DES: variants seen among roughly 807,000 people sequenced by gnomAD.
DES encodes cardiomyopathy, dilated 1F (autosomal dominant).
A neutral mutation model predicts 55.1 loss-of-function variants in DES; 34 were observed. That is an observed-to-expected ratio of 0.62 (90% CI 0.47 to 0.82). The LOEUF is 0.82. Ranked by LOEUF, DES falls within the 40% of genes least tolerant of loss-of-function variation. The pLI is 0.00. For missense variants in DES, 596 were observed against 645.9 expected (o/e 0.92, Z 0.84); for synonymous variants, 259 against 270.8 (o/e 0.96, Z 0.43).
rs1954363029 is a variant in DES, at chr2:219,418,568, C to T, written c.106C>T (p.Pro36Ser). 6.2e-7 allele frequency: 1 copy of T among 1,603,900 alleles called. No individual in the cohort carries two copies. The highest frequency in any genetic ancestry group is 8.5e-7 in the Non-Finnish European group (1 of 1,175,912). ...LGSPLSSPVF[P>S]RAGFGSKGSS... ...CTCCCCGCTGAGTTCGCCCGTGTTC[C>T]CGCGGGCGGGTTTCGGCTCTAAGGG... The change falls in exon 1 of 9, where the codon CCG (proline) becomes TCG (serine). Residue 36 changes from proline (P) to serine (S), a missense_variant. Transcript: ENST00000373960.
rs1029457073 is a variant in DES, at chr2:219,421,473, G to A, written c.1157G>A (p.Arg386His). 10 of 1,614,148 alleles carry A rather than the reference G, an allele frequency of 6.2e-6. No individual in the cohort carries two copies. Among genetic ancestry groups the A allele is most frequent in the South Asian group, 2.2e-5 (2 of 91,082 alleles). ...HLKDEMARHL[R>H]EYQDLLNVKM... ...AAGGATGAGATGGCCCGCCATCTGC[G>A]CGAGTACCAGGACCTGCTCAACGTG... The change falls in exon 6 of 9, where the codon CGC becomes CAC. Residue 386 changes from arginine (R) to histidine (H), a missense_variant. Transcript: ENST00000373960.
chr2:219,419,143 C>T lies in DES; in HGVS notation c.578+103C>T, dbSNP rs1954386809. 3.3e-6 allele frequency: 5 copies of T among 1,528,704 alleles called. No homozygotes were observed. The South Asian group carries it at 6.0e-5, about 18-fold the overall frequency. 94.7% of individuals were successfully genotyped at this position (1,528,704 alleles called of 1,614,324 possible). ...GTCAGCACCTGCCTTCTCCCGGGGCCCGGGACCCTCTCCTGCCCCATGTGG... is the reference window on the plus strand; with the variant it reads ...GTCAGCACCTGCCTTCTCCCGGGGCTCGGGACCCTCTCCTGCCCCATGTGG... On this transcript the variant is annotated intron_variant, in intron 1 of 8. Coordinates refer to ENST00000373960, the MANE Select transcript of DES (RefSeq NM_001927.4). The surrounding 1 kb of genome is among the most constrained non-coding windows in gnomAD (Gnocchi z 4.3).
Position 219,420,651 on chromosome 2 carries a change from T to TCGCAAATTGAAG in DES, c.894_895insCAAATTGAAGCG (p.Ser298_Lys299insGlnIleGluAla). On this transcript the variant is annotated inframe_insertion, in exon 4 of 9. Coordinates refer to ENST00000373960, the MANE Select transcript of DES (RefSeq NM_001927.4). This position sits in a 1 kb window ranked among gnomAD's most constrained non-coding sequence, Gnocchi z 6.0. Reference sequence around the variant, plus strand: ...TTCTGAAGCTGAGGAGTGGTACAAGTCGAAGGTGGGTGGCCTCGCCCGGGG... The same window carrying TCGCAAATTGAAG: ...TTCTGAAGCTGAGGAGTGGTACAAGTCGCAAATTGAAGCGAAGGTGGGTGGCCTCGCCCGGGG... The TCGCAAATTGAAG allele has an allele frequency of 1.9e-6, 3 of 1,613,966 alleles. No homozygotes were observed. The highest frequency in any genetic ancestry group is 2.5e-6 in the Non-Finnish European group (3 of 1,180,010).
rs1480472888 is a variant in DES at position 219,419,175 on chromosome 2, G to C, written c.578+135G>C. On this transcript the variant is annotated intron_variant, in intron 1 of 8. Coordinates refer to ENST00000373960, the MANE Select transcript of DES (RefSeq NM_001927.4). The surrounding 1 kb of genome is among the most constrained non-coding windows in gnomAD (Gnocchi z 4.3). ...CCTCTCCTGCCCCATGTGGAGAAAG[G>C]GTCCTCCACCTGTGTGTTTCAAGGG... The C allele has an allele frequency of 1.1e-5, 16 of 1,483,634 alleles. No homozygotes were observed. The highest frequency in any genetic ancestry group is 1.3e-5 in the Non-Finnish European group (14 of 1,115,800). The allele number at this position is 1,483,634 out of a possible 1,614,324, so 91.9% of individuals were successfully genotyped here.
chr2:219,424,368 C>T (rs533934204), intron 7 of DES, among the ~76,000 whole-genome samples: 8 of 152,314 alleles, frequency 5.3e-5, no homozygotes, highest in African/African-American at 1.7e-4. Context: ...ATTAGTAATA[C>T]GCAGATCGGG....
At chr2:219,424,710 A>T (rs911865913) in intron 7 of DES, among the ~76,000 whole-genome samples, 6 of 151,846 alleles carry the variant, frequency 4.0e-5, no homozygotes, top group Non-Finnish European at 7.4e-5. Flanking sequence ...AGTACAAAAA[A>T]CTCCACCCAC....
rs758066814 is a variant in DES, at chr2:219,420,310, C to T, written c.699C>T (p.Asn233=). ...IDLERRIESL[N]EEIAFLKKVH... ...TGGAGCGCAGAATTGAATCTCTCAA[C>T]GAGGAGATCGCGTTCCTTAAGAAAG... The change falls in exon 3 of 9, where the codon AAC becomes AAT. Residue 233 remains asparagine, a synonymous_variant. Coordinates refer to ENST00000373960, the MANE Select transcript of DES (RefSeq NM_001927.4). The surrounding 1 kb of genome is among the most constrained non-coding windows in gnomAD (Gnocchi z 6.0). 2.0e-5 allele frequency: 32 copies of T among 1,614,070 alleles called. No homozygotes were observed. In the African/African-American group the frequency reaches 2.3e-4, roughly 11 times the overall value.
chr2:219,426,262 G>A lies in DES; in HGVS notation c.*272G>A. ...GAGCCTGGCTCTTGTGCTGGATGGA[G>A]CCCAGGCGGGAGCGGTGGCCCTGTC... On this transcript the variant is annotated 3_prime_UTR_variant, in exon 9 of 9. Coordinates refer to ENST00000373960, the MANE Select transcript of DES (RefSeq NM_001927.4). This position sits in a 1 kb window ranked among gnomAD's most constrained non-coding sequence, Gnocchi z 4.5. 1 of 599,368 alleles carries A rather than the reference G, an allele frequency of 1.7e-6. No individual in the cohort carries two copies. Among genetic ancestry groups the A allele is most frequent in the Non-Finnish European group, 3.0e-6 (1 of 331,366 alleles). 37.1% of individuals were successfully genotyped at this position (599,368 alleles called of 1,614,324 possible). A position where few individuals can be genotyped will look rare whatever the true frequency, so the allele number is the denominator to read the frequency against.
Position 219,420,119 on chromosome 2 carries a change from G to A in DES, c.603G>A (p.Lys201=). The A allele has an allele frequency of 6.2e-7, 1 of 1,614,210 alleles. No individual in the cohort carries two copies. Among genetic ancestry groups the A allele is most frequent in the Non-Finnish European group, 8.5e-7 (1 of 1,180,036 alleles). Residue 201 remains lysine (K), a synonymous_variant, in exon 2 of 9, where the codon AAG becomes AAA. Transcript: ENST00000373960. The surrounding 1 kb of genome is among the most constrained non-coding windows in gnomAD (Gnocchi z 6.0). ...KAKLQEEIQL[K]EEAENNLAAF... ...GGCTGCAGGAGGAGATTCAGTTGAA[G>A]GAAGAAGCAGAGAACAATTTGGCTG...
At position 219,426,698 on chromosome 2, in the gene DES, G is replaced by A. The variant is rs1396783827; in HGVS notation, c.*708G>A. 1 of 156,424 alleles carries A rather than the reference G, an allele frequency of 6.4e-6. No individual in the cohort carries two copies. The highest frequency in any genetic ancestry group is 1.4e-5 in the Non-Finnish European group (1 of 70,436). The allele number at this position is 156,424 out of a possible 1,614,324, so 9.7% of individuals were successfully genotyped here. A position where few individuals can be genotyped will look rare whatever the true frequency, so the allele number is the denominator to read the frequency against. The stretch of plus-strand genomic sequence containing the variant: ...ACGCCCTCCCCTCCCCTGCTGCAGG[G>A]GCTCTGGAGAGAAACAATAAAGAGA... On this transcript the variant is annotated 3_prime_UTR_variant, in exon 9 of 9. Coordinates refer to ENST00000373960, the MANE Select transcript of DES (RefSeq NM_001927.4). The surrounding 1 kb of genome is among the most constrained non-coding windows in gnomAD (Gnocchi z 4.5).
rs886055653 is a variant in DES, at chr2:219,418,389, C to T, written c.-74C>T. 1 of 1,449,398 alleles carries T rather than the reference C, an allele frequency of 6.9e-7. No individual in the cohort carries two copies. Among genetic ancestry groups the T allele is most frequent in the Non-Finnish European group, 9.2e-7 (1 of 1,090,240 alleles). The allele number at this position is 1,449,398 out of a possible 1,614,324, so 89.8% of individuals were successfully genotyped here. On this transcript the variant is annotated 5_prime_UTR_variant, in exon 1 of 9. Coordinates refer to ENST00000373960, the MANE Select transcript of DES (RefSeq NM_001927.4). ...GGCTGGGGGCCCTGTCTCCCCTCGC[C>T]GCATCCACTCTCCGGCCGGCCGCCT...
chr2:219,426,128 A>G lies in DES; in HGVS notation c.*138A>G. On this transcript the variant is annotated 3_prime_UTR_variant, in exon 9 of 9. Transcript: ENST00000373960. This position sits in a 1 kb window ranked among gnomAD's most constrained non-coding sequence, Gnocchi z 4.5. The stretch of plus-strand genomic sequence containing the variant: ...AGCCTCTGACCCCTCCTCACTGGCC[A>G]TCCCTCGTGGTCCCCAACAGCGACA... The G allele has an allele frequency of 9.7e-7, 1 of 1,025,894 alleles. No homozygotes were observed. The highest frequency in any genetic ancestry group is 2.6e-5 in the East Asian group (1 of 38,574). The allele number at this position is 1,025,894 out of a possible 1,614,324, so 63.5% of individuals were successfully genotyped here.
At position 219,423,812 on chromosome 2, in the gene DES, A is replaced by G. The variant is rs142712150; in HGVS notation, c.1280A>G (p.Asn427Ser). 9 of 1,613,614 alleles carry G rather than the reference A, an allele frequency of 5.6e-6. No individual in the cohort carries two copies. The highest frequency in any genetic ancestry group is 1.3e-5 in the African/African-American group (1 of 74,844). Residue 427 changes from asparagine (N) to serine (S), a missense_variant, in exon 7 of 9, where the codon AAC becomes AGC. Physicochemically the swap from Asn to Ser is conservative, Grantham distance 46 (BLOSUM62 1). Transcript: ENST00000373960. Reference protein sequence around the residue: ...NLPIQTYSALNFRETSPEQRG... With the variant: ...NLPIQTYSALSFRETSPEQRG... The stretch of plus-strand genomic sequence containing the variant: ...CCCATCCAGACCTACTCTGCCCTCA[A>G]CTTCCGAGGTGAGTGTCTGCTGGCA...
chr2:219,425,819 GCTGTGCTGGTCTA>G, intron 8 of DES, 74 bp downstream of exon 8: 1 of 1,603,510 alleles, frequency 6.2e-7, no homozygotes, highest in Non-Finnish European at 8.5e-7. Context: ...CTTCCACCCA[GCTGTGCTGGTCTA>G]GGTCCCTGGC....
chr2:219,423,596 T>G (rs1954482112), intron 6 of DES, among the ~76,000 whole-genome samples, 181 bp from the exon 7 acceptor site: 1 of 152,058 alleles, frequency 6.6e-6, no homozygotes, highest in African/African-American at 2.4e-5. Flanking sequence ...CCCGCCACCA[T>G]GCCCGGCTAA....
chr2:219,420,443 A>AG lies in DES; in HGVS notation c.736-49dup. 1 of 1,613,254 alleles carries AG rather than the reference A, an allele frequency of 6.2e-7. No homozygotes were observed. The highest frequency in any genetic ancestry group is 1.1e-5 in the South Asian group (1 of 90,986). On this transcript the variant is annotated intron_variant, in intron 3 of 8. Transcript: ENST00000373960. The surrounding 1 kb of genome is among the most constrained non-coding windows in gnomAD (Gnocchi z 6.0). ...GGCTCTGGCTGGGAATAGGGGTGTG[A>AG]GGGTGCTGTGTGGGCCCTGAGAGGG...
rs548244933 is a variant in DES at position 219,423,669 on chromosome 2, G to C, written c.1245-108G>C. 6.6e-6 allele frequency: 7 copies of C among 1,053,534 alleles called. No homozygotes were observed. The South Asian group carries it at 8.8e-5, about 13-fold the overall frequency. 65.3% of individuals were successfully genotyped at this position (1,053,534 alleles called of 1,614,324 possible). On this transcript the variant is annotated intron_variant, in intron 6 of 8. Coordinates refer to ENST00000373960, the MANE Select transcript of DES (RefSeq NM_001927.4). The stretch of plus-strand genomic sequence containing the variant: ...TTAGCCAGGATGGTCTCGATCTCCT[G>C]ACCTGGTGATCCGCCCGCCTCGGCC...
In DES at chr2:219,425,696, A is replaced by G; in HGVS notation, c.1322A>G (p.His441Arg). The G allele has an allele frequency of 6.3e-7, 1 of 1,595,112 alleles. No individual in the cohort carries two copies. Among genetic ancestry groups the G allele is most frequent in the Non-Finnish European group, 8.5e-7 (1 of 1,170,780 alleles). ...TSPEQRGSEV[H>R]TKKTVMIKTI... ...CCTGAGCAAAGGGGTTCTGAGGTCC[A>G]TACCAAGAAGACGGTGATGATCAAG... is the stretch of plus-strand genomic sequence containing the variant. The change falls in exon 8 of 9, where the codon CAT becomes CGT. Residue 441 changes from histidine to arginine, a missense_variant. His to Arg is a conservative substitution (Grantham distance 29). Coordinates refer to ENST00000373960, the MANE Select transcript of DES (RefSeq NM_001927.4).
chr2:219,420,118 A>G lies in DES; in HGVS notation c.602A>G (p.Lys201Arg), dbSNP rs760744645. The G allele has an allele frequency of 3.1e-6, 5 of 1,614,196 alleles. No individual in the cohort carries two copies. In the South Asian group the frequency reaches 5.5e-5, roughly 18 times the overall value. Residue 201 changes from lysine to arginine, a missense_variant, in exon 2 of 9, where the codon AAG (lysine) becomes AGG (arginine). Transcript: ENST00000373960. This position sits in a 1 kb window ranked among gnomAD's most constrained non-coding sequence, Gnocchi z 6.0. ...KAKLQEEIQLKEEAENNLAAF... is the reference protein window; with the variant it reads ...KAKLQEEIQLREEAENNLAAF... ...AGGCTGCAGGAGGAGATTCAGTTGA[A>G]GGAAGAAGCAGAGAACAATTTGGCT...
Sources: allele counts gnomAD v4.1 joint callset (sites outside exome capture counted in the v4.1 genomes callset), GRCh38; gene constraint gnomAD v4.1.1; non-coding constraint Gnocchi (gnomAD v3.1); transcripts MANE v1.5; gene names NCBI Gene and HGNC (gene_info 2026-07-23, HGNC 2026-07-21).